The following KIRREL3 variants were observed in gnomAD, a reference collection of about 807,000 sequenced individuals.
KIRREL3 encodes the protein kin of IRRE-like protein 3.
Under a neutral mutation model 89.7 loss-of-function variants are expected in KIRREL3, and 36 were observed. The observed-to-expected ratio is 0.40, with a 90% CI of 0.31 to 0.53. The LOEUF is 0.53. Among genes scored for constraint, KIRREL3 ranks in the 20% least tolerant of loss-of-function variants. The pLI is 0.49. For synonymous variants in KIRREL3, 445 were observed against 441.4 expected, an observed-to-expected ratio of 1.01 and a Z score of -0.10; for missense variants, 864 against 1,056.6, an observed-to-expected ratio of 0.82 and a Z score of 2.53.
At position 126,883,676 on chromosome 11, in the gene KIRREL3, C is replaced by T. The variant is rs1945591013; in HGVS notation, c.55+116779G>A. Among the ~76,000 whole-genome samples, 2 of 152,070 alleles carry T rather than the reference C, an allele frequency of 1.3e-5. No homozygotes were observed. Among genetic ancestry groups the T allele is most frequent in the East Asian group, 1.9e-4 (1 of 5,198 alleles). ...TACTTCCTTACACATAGACTTTTTC[C>T]ATTCCCACTTCACACTGTGAGGATC... On this transcript the variant is annotated intron_variant, in intron 1 of 16. Transcript: ENST00000525144. The surrounding 1 kb of genome is among the most constrained non-coding windows in gnomAD (Gnocchi z 4.1).
chr11:126,813,825 G>T (rs1422174275), intron 1 of KIRREL3, among the ~76,000 whole-genome samples: 1 of 150,476 alleles, frequency 6.6e-6, no homozygotes, highest in Non-Finnish European at 1.5e-5. Flanking sequence ...AGAAAATCTA[G>T]GCAATACCAT....
intron 1 of KIRREL3, among the ~76,000 whole-genome samples, chr11:126,713,539 G>T (rs1947842897): frequency 6.6e-6 from 1 of 152,246 alleles, no homozygotes; most frequent in South Asian, 2.1e-4. Context: ...GAAGGCCTGG[G>T]ACAGGGCTGC....
In KIRREL3 at chr11:126,656,231, G is replaced by T; in HGVS notation, c.56-93319C>A. The T allele has an allele frequency of 2.2e-6, 1 of 454,688 alleles. No individual in the cohort carries two copies. Among genetic ancestry groups the T allele is most frequent in the Non-Finnish European group, 4.4e-6 (1 of 226,060 alleles). 28.2% of individuals were successfully genotyped at this position (454,688 alleles called of 1,614,324 possible). On this transcript the variant is annotated intron_variant, in intron 1 of 16. Transcript: ENST00000525144. This position sits in a 1 kb window ranked among gnomAD's most constrained non-coding sequence, Gnocchi z 4.0. ...CTCCGAAGTCAGAAAGATGCCTGTT[G>T]GTTCTGCCGTTCATATCTGTGAGAT...
At chr11:126,450,328 T>C (rs1955993470) in intron 7 of KIRREL3, among the ~76,000 whole-genome samples, 1 of 150,536 alleles carries the variant, frequency 6.6e-6, no homozygotes, top group South Asian at 2.1e-4. Context: ...CGTGTGCATG[T>C]GTGAGCGTGG....
chr11:126,562,877 G>A lies in KIRREL3; in HGVS notation c.91C>T (p.Leu31=). The change falls in exon 2 of 17, where the codon CTG becomes TTG. Residue 31 remains leucine, a synonymous_variant. Coordinates refer to ENST00000525144, the MANE Select transcript of KIRREL3 (RefSeq NM_032531.4). The surrounding 1 kb of genome is among the most constrained non-coding windows in gnomAD (Gnocchi z 4.7). ...AACTTGTCCTTGGCCATGTAGCCCA[G>A]CACCAGACAGCATCCTCTCTTCTGG... is the stretch of plus-strand genomic sequence containing the variant. The part of the protein sequence containing the change: ...GLQKRGCCLV[L]GYMAKDKFRR... 1 of 1,613,844 alleles carries A rather than the reference G, an allele frequency of 6.2e-7. No individual in the cohort carries two copies. Among genetic ancestry groups the A allele is most frequent in the Non-Finnish European group, 8.5e-7 (1 of 1,179,794 alleles).
rs543074485 is a variant in KIRREL3, at chr11:126,457,782, A to G, written c.743-1328T>C. ...GGAGACCCGGCACATAGGGCCCGAC[A>G]ATGACAGGGTGTTAGAGAGAAAGAC... On this transcript the variant is annotated intron_variant, in intron 6 of 16. Transcript: ENST00000525144. Among the ~76,000 whole-genome samples the G allele has an allele frequency of 2.6e-5, 4 of 152,340 alleles. No homozygotes were observed. The South Asian group carries it at 8.3e-4, about 32-fold the overall frequency.
intron 1 of KIRREL3, among the ~76,000 whole-genome samples, chr11:126,925,105 G>A (rs894713706): frequency 3.4e-5 from 5 of 149,074 alleles, no homozygotes; most frequent in African/African-American, 4.9e-5. Flanking sequence ...GTCGGGGGGG[G>A]GGGGGGGCTG....
rs1380305578 is a variant in KIRREL3, at chr11:126,684,325, A to T, written c.56-121413T>A. 2.6e-5 allele frequency among the ~76,000 whole-genome samples: 4 copies of T among 152,226 alleles called. No homozygotes were observed. Among genetic ancestry groups the T allele is most frequent in the Non-Finnish European group, 4.4e-5 (3 of 68,042 alleles). On this transcript the variant is annotated intron_variant, in intron 1 of 16. Coordinates refer to ENST00000525144, the MANE Select transcript of KIRREL3 (RefSeq NM_032531.4). The surrounding 1 kb of genome is among the most constrained non-coding windows in gnomAD (Gnocchi z 4.2). ...TAGATTGGGGCTTTCAACATTGCTG[A>T]TATTTTGAACAGCAGAATCCTTATC...
Position 126,442,276 on chromosome 11 carries a change from AAAAAAAAC to A in KIRREL3, c.1253-1735_1253-1728del, listed in dbSNP as rs1201325213. Among the ~76,000 whole-genome samples the A allele has an allele frequency of 6.2e-3, 891 of 143,926 alleles. 49 individuals carry two copies. The highest frequency in any genetic ancestry group is 0.019 in the African/African-American group (745 of 39,482). 94.4% of individuals were successfully genotyped at this position (143,926 alleles called of 152,430 possible). On this transcript the variant is annotated intron_variant, in intron 10 of 16. Transcript: ENST00000525144. ...ACTCCAGCTCAAAAAAAAAAAACAA[AAAAAAAAC>A]AAAAAACCCAACATGCACAGACACA...
intron 1 of KIRREL3, among the ~76,000 whole-genome samples, chr11:126,913,494 T>C (rs543349217): frequency 5.9e-5 from 9 of 152,158 alleles, no homozygotes; most frequent in Non-Finnish European, 1.3e-4. Context: ...ACGCAGAGTG[T>C]CTTGCCCAGC....
chr11:126,443,079 A>C lies in KIRREL3; in HGVS notation c.1252+1900T>G, dbSNP rs1955647522. 6.6e-6 allele frequency among the ~76,000 whole-genome samples: 1 copy of C among 152,184 alleles called. No individual in the cohort carries two copies. The highest frequency in any genetic ancestry group is 6.5e-5 in the Admixed American group (1 of 15,280). ...GAAATCTCTTTAAATCTCCCTTGGA[A>C]ATGTCTGAACGTCTAAAGTGACAGC... On this transcript the variant is annotated intron_variant, in intron 10 of 16. Coordinates refer to ENST00000525144, the MANE Select transcript of KIRREL3 (RefSeq NM_032531.4). This position sits in a 1 kb window ranked among gnomAD's most constrained non-coding sequence, Gnocchi z 7.3.
chr11:126,751,744 G>A (rs557397423), intron 1 of KIRREL3, among the ~76,000 whole-genome samples: 3 of 152,194 alleles, frequency 2.0e-5, no homozygotes, highest in South Asian at 2.1e-4. Context: ...AAACCATAGA[G>A]GAGAAAAAGA....
chr11:126,572,719 G>C (rs1031904049), intron 1 of KIRREL3, among the ~76,000 whole-genome samples: 3 of 152,184 alleles, frequency 2.0e-5, no homozygotes, highest in Non-Finnish European at 4.4e-5. Flanking sequence ...GGGTGAGGTG[G>C]GGAAGCGTGG....
At chr11:126,801,526 G>A (rs550155179) in intron 1 of KIRREL3, among the ~76,000 whole-genome samples, 2 of 152,278 alleles carry the variant, frequency 1.3e-5, no homozygotes, top group South Asian at 2.1e-4. Flanking sequence ...ACCCCAATAT[G>A]AGCCATATTA....
rs1191868112 is a variant in KIRREL3, at chr11:126,783,467, A to G, written c.55+216988T>C. On this transcript the variant is annotated intron_variant, in intron 1 of 16. Coordinates refer to ENST00000525144, the MANE Select transcript of KIRREL3 (RefSeq NM_032531.4). This position sits in a 1 kb window ranked among gnomAD's most constrained non-coding sequence, Gnocchi z 4.3. ...GGACTTCAACATATTATATTTGAGG[A>G]GGAGGACACAATCCAACACATAACA... Among the ~76,000 whole-genome samples, 1 of 152,204 alleles carries G rather than the reference A, an allele frequency of 6.6e-6. No individual in the cohort carries two copies. Among genetic ancestry groups the G allele is most frequent in the South Asian group, 2.1e-4 (1 of 4,828 alleles).
chr11:126,914,976 G>A (rs1048684293), intron 1 of KIRREL3, among the ~76,000 whole-genome samples: 1 of 152,212 alleles, frequency 6.6e-6, no homozygotes, highest in African/African-American at 2.4e-5. Context: ...ATGATGTCAA[G>A]TGGACACCCC....
At chr11:126,698,887 G>T (rs547892369) in intron 1 of KIRREL3, among the ~76,000 whole-genome samples, 13 of 152,216 alleles carry the variant, frequency 8.5e-5, no homozygotes, top group Non-Finnish European at 1.9e-4. Flanking sequence ...ACTGCCCTTC[G>T]TGCAGGAGGT....
At chr11:126,619,464 A>G (rs1221348559) in intron 1 of KIRREL3, among the ~76,000 whole-genome samples, 1 of 152,216 alleles carries the variant, frequency 6.6e-6, no homozygotes, top group African/African-American at 2.4e-5. Flanking sequence ...GGAAAATGAC[A>G]TAATCTGATT....
At chr11:126,488,013 C>T (rs11220520) in intron 4 of KIRREL3, among the ~76,000 whole-genome samples, 21,930 of 152,314 alleles carry the variant, frequency 0.14, 1,824 homozygotes, top group Non-Finnish European at 0.19. Flanking sequence ...TCTTCTTTCG[C>T]TCCATCACTG....
Sources: allele counts gnomAD v4.1 joint callset (sites outside exome capture counted in the v4.1 genomes callset), GRCh38; gene constraint gnomAD v4.1.1; non-coding constraint Gnocchi (gnomAD v3.1); transcripts MANE v1.5; gene names NCBI Gene and HGNC (gene_info 2026-07-23, HGNC 2026-07-21).